Variants in PPP1R12B observed in about 807,000 individuals in gnomAD.
PPP1R12B encodes protein phosphatase 1 regulatory subunit 12B.
In PPP1R12B, 76 loss-of-function variants were observed where a neutral mutation model predicts 126.1. The ratio of observed to expected loss-of-function variants is 0.60; its 90% CI spans 0.50 to 0.73. PPP1R12B has a LOEUF of 0.73. PPP1R12B is among the 30% of genes least tolerant of loss of function. The pLI, the probability that PPP1R12B is intolerant of heterozygous loss-of-function variation, is 0.00. For synonymous variants in PPP1R12B, 356 were observed against 434.7 expected, an observed-to-expected ratio of 0.82 and a Z score of 2.25; for missense variants, 1,052 against 1,205.1, an observed-to-expected ratio of 0.87 and a Z score of 1.88.
intron 6 of PPP1R12B, among the ~76,000 whole-genome samples, chr1:202,429,604 T>C (rs886923374): frequency 6.6e-6 from 1 of 152,096 alleles, no homozygotes; most frequent in Non-Finnish European, 1.5e-5. Flanking sequence ...CATATACAGA[T>C]GAAGAGTGAA....
At chr1:202,395,632 G>C (rs1354154517) in intron 1 of PPP1R12B, among the ~76,000 whole-genome samples, 1 of 152,150 alleles carries the variant, frequency 6.6e-6, no homozygotes, top group Admixed American at 6.6e-5. Context: ...TGGCCATAAT[G>C]TGGAATTGCT....
chr1:202,481,210 C>G (rs1677317390), intron 13 of PPP1R12B, among the ~76,000 whole-genome samples: 1 of 152,146 alleles, frequency 6.6e-6, no homozygotes, highest in Non-Finnish European at 1.5e-5. Flanking sequence ...CCTAACACGC[C>G]ACAGATCAGT....
chr1:202,416,902 A>G lies in PPP1R12B; in HGVS notation c.407A>G (p.Tyr136Cys). ...CTTCATGCAGCAGCTTCCTGTGGCTATCTCAACATAGCAGAGTGAGTGAGT... is the reference window on the plus strand; with the variant it reads ...CTTCATGCAGCAGCTTCCTGTGGCTGTCTCAACATAGCAGAGTGAGTGAGT... ...TPLHAAASCGYLNIAEYFINH... is the reference protein window; with the variant it reads ...TPLHAAASCGCLNIAEYFINH... Residue 136 changes from tyrosine to cysteine, a missense_variant, in exon 2 of 24, where the codon TAT becomes TGT. By Grantham distance (194) the Tyr-to-Cys change is radical (BLOSUM62 -2). Coordinates refer to ENST00000608999, the MANE Select transcript of PPP1R12B (RefSeq NM_002481.4). The G allele has an allele frequency of 6.2e-7, 1 of 1,613,984 alleles. No homozygotes were observed. Among genetic ancestry groups the G allele is most frequent in the Admixed American group, 1.7e-5 (1 of 60,010 alleles).
intron 13 of PPP1R12B, among the ~76,000 whole-genome samples, chr1:202,452,525 C>CAGAGGGAGACCGTTTAAAGAGGG (rs1166127779): frequency 1.3e-5 from 2 of 151,522 alleles, no homozygotes; most frequent in East Asian, 1.9e-4. Flanking sequence ...GGCTTGGCAT[C>CAGAGGGAGACCGTTTAAAGAGGG]AGAGGGAGAC....
rs200812115 is a variant in PPP1R12B at position 202,434,792 on chromosome 1, G to A, written c.1254+24G>A. ...GGGTGAGTACTTTTTACTTAATTTG[G>A]GAATTAGATTTCACCCTACTGCAGT... On this transcript the variant is annotated intron_variant, in intron 9 of 23. Transcript: ENST00000608999. 20 of 1,611,064 alleles carry A rather than the reference G, an allele frequency of 1.2e-5. No individual in the cohort carries two copies. The Admixed American group carries it at 2.7e-4, about 22-fold the overall frequency.
In PPP1R12B at chr1:202,555,353, A is replaced by AAAG. The variant is rs1553320335; in HGVS notation, c.2491-3524_2491-3523insAAG. ...AAAAAAAAAAAAAAAAAAAAAAAAAAGCTTGTTTCGTCACCATAGAGGCAG... is the reference window on the plus strand; with the variant it reads ...AAAAAAAAAAAAAAAAAAAAAAAAAAAAGGCTTGTTTCGTCACCATAGAGGCAG... On this transcript the variant is annotated intron_variant, in intron 18 of 23. Transcript: ENST00000608999. Among the ~76,000 whole-genome samples, 82 of 121,672 alleles carry AAAG rather than the reference A, an allele frequency of 6.7e-4. 3 individuals are homozygous for AAAG. Among genetic ancestry groups the AAAG allele is most frequent in the African/African-American group, 2.4e-3 (82 of 33,760 alleles). The allele number at this position is 121,672 out of a possible 152,430, so 79.8% of individuals were successfully genotyped here.
At position 202,452,117 on chromosome 1, in the gene PPP1R12B, G is replaced by A. The variant is rs561747331; in HGVS notation, c.1850+2946G>A. ...CACATCTCAGACGATGGGCAGCTGG[G>A]CAGAGACGCTCCTCACTTTCCAGAC... On this transcript the variant is annotated intron_variant, in intron 13 of 23. Transcript: ENST00000608999. Among the ~76,000 whole-genome samples the A allele has an allele frequency of 7.6e-4, 116 of 152,174 alleles. 1 individual carries two copies. Among genetic ancestry groups the A allele is most frequent in the African/African-American group, 2.6e-3 (106 of 41,540 alleles).
chr1:202,537,286 G>A (rs1359967623), intron 18 of PPP1R12B, among the ~76,000 whole-genome samples: 3 of 151,954 alleles, frequency 2.0e-5, no homozygotes, highest in Non-Finnish European at 4.4e-5. Context: ...CCCGGGAGGC[G>A]GAGCTTGCAG....
intron 13 of PPP1R12B, among the ~76,000 whole-genome samples, chr1:202,455,792 G>A (rs1673551293): frequency 1.3e-5 from 2 of 152,176 alleles, no homozygotes; most frequent in Admixed American, 6.5e-5. Context: ...GTACCATGAC[G>A]TGACCTATAG....
chr1:202,460,974 A>G (rs1461176738), intron 13 of PPP1R12B, among the ~76,000 whole-genome samples: 1 of 152,062 alleles, frequency 6.6e-6, no homozygotes, highest in African/African-American at 2.4e-5. Context: ...AATAATAGTG[A>G]TGATATGTTG....
At chr1:202,534,129 T>C (rs1684288274) in intron 18 of PPP1R12B, among the ~76,000 whole-genome samples, 2 of 152,238 alleles carry the variant, frequency 1.3e-5, no homozygotes, top group South Asian at 4.1e-4. Flanking sequence ...GGGTTCCTAG[T>C]CAGTGGGTTA....
chr1:202,562,315 C>T (rs567606870), intron 19 of PPP1R12B, among the ~76,000 whole-genome samples: 1 of 152,324 alleles, frequency 6.6e-6, no homozygotes, highest in Admixed American at 6.5e-5. Context: ...GCATACGTAG[C>T]ATGCCCTAGT....
Position 202,540,307 on chromosome 1 carries a change from T to C in PPP1R12B, c.2491-18570T>C, listed in dbSNP as rs545382008. The stretch of plus-strand genomic sequence containing the variant: ...CAAAGGTAGAGAATGTGTATATATA[T>C]AACTTGGGGCATTAGGTTTAGAGCA... On this transcript the variant is annotated intron_variant, in intron 18 of 23. Coordinates refer to ENST00000608999, the MANE Select transcript of PPP1R12B (RefSeq NM_002481.4). 31 of 1,324,626 alleles carry C rather than the reference T, an allele frequency of 2.3e-5. No homozygotes were observed. In the South Asian group the frequency reaches 3.3e-4, roughly 14 times the overall value. 82.1% of individuals were successfully genotyped at this position (1,324,626 alleles called of 1,614,324 possible).
intron 10 of PPP1R12B, 34 bp downstream of exon 10, chr1:202,438,058 G>A: frequency 6.2e-7 from 1 of 1,604,472 alleles, no homozygotes; most frequent in Non-Finnish European, 8.5e-7. Flanking sequence ...GAATTCCAAG[G>A]CAGTTTTTTT....
At chr1:202,383,596 C>T (rs561251366) in intron 1 of PPP1R12B, among the ~76,000 whole-genome samples, 27 of 152,086 alleles carry the variant, frequency 1.8e-4, no homozygotes, top group Middle Eastern at 3.4e-3. Flanking sequence ...TGGGGGCACA[C>T]GCCTGTAATC....
At chr1:202,540,691 G>T (rs1685033913) in intron 18 of PPP1R12B, among the ~76,000 whole-genome samples, 1 of 152,140 alleles carries the variant, frequency 6.6e-6, no homozygotes, top group African/African-American at 2.4e-5. Context: ...TGCAAGTTCT[G>T]TGTGTGTATT....
chr1:202,363,161 T>A (rs1442268895), intron 1 of PPP1R12B, among the ~76,000 whole-genome samples: 1 of 152,196 alleles, frequency 6.6e-6, no homozygotes, highest in Non-Finnish European at 1.5e-5. Flanking sequence ...AACAGTCAAA[T>A]GATCTGTTAT....
intron 13 of PPP1R12B, among the ~76,000 whole-genome samples, chr1:202,471,049 C>T (rs1675807306): frequency 6.6e-6 from 1 of 152,104 alleles, no homozygotes; most frequent in African/African-American, 2.4e-5. Flanking sequence ...CTGTGTATCT[C>T]TCCTCAGTCT....
intron 17 of PPP1R12B, among the ~76,000 whole-genome samples, chr1:202,496,373 C>G (rs1259034985): frequency 2.0e-5 from 3 of 152,304 alleles, no homozygotes; most frequent in Admixed American, 2.0e-4. Context: ...CTACCAATGA[C>G]TCCTTTGAAA....
Sources: gnomAD v4.1 joint callset for allele counts (sites outside exome capture counted in the v4.1 genomes callset) on GRCh38, gnomAD v4.1.1 for gene constraint, MANE v1.5 for transcripts, NCBI Gene and HGNC (gene_info 2026-07-23, HGNC 2026-07-21) for gene names.